LHFPL2: variants seen among roughly 807,000 people sequenced by gnomAD.
LHFPL2 encodes the protein LHFPL tetraspan subfamily member 2.
LHFPL2 carries 7 observed loss-of-function variants against 17.5 expected under a neutral mutation model. That is an observed-to-expected ratio of 0.40 (90% CI 0.23 to 0.75). The LOEUF is 0.75. Ranked by LOEUF, LHFPL2 falls within the 30% of genes least tolerant of loss-of-function variation. LHFPL2 has a pLI of 0.37. For missense variants in LHFPL2, 241 were observed against 294.8 expected, an observed-to-expected ratio of 0.82 and a Z score of 1.34; for synonymous variants, 134 against 116.2, an observed-to-expected ratio of 1.15 and a Z score of -0.99.
intron 2 of LHFPL2, among the ~76,000 whole-genome samples, chr5:78,630,940 T>C (rs1156635911): frequency 6.6e-6 from 1 of 152,162 alleles, no homozygotes; most frequent in African/African-American, 2.4e-5. Context: ...AACTCTCATT[T>C]TGGCTCCAAC....
chr5:78,630,766 T>C (rs1417234685), intron 2 of LHFPL2, among the ~76,000 whole-genome samples: 2 of 152,160 alleles, frequency 1.3e-5, no homozygotes, highest in Non-Finnish European at 2.9e-5. Flanking sequence ...ACACCCAGGA[T>C]GGCAACTGGA....
At chr5:78,535,767 A>G (rs539723233) in intron 3 of LHFPL2, among the ~76,000 whole-genome samples, 1 of 152,298 alleles carries the variant, frequency 6.6e-6, no homozygotes, top group Non-Finnish European at 1.5e-5. Context: ...GGCAGGGGGA[A>G]CACCTTGGGG....
At chr5:78,521,164 C>T (rs1348119963) in intron 3 of LHFPL2, among the ~76,000 whole-genome samples, 1 of 152,184 alleles carries the variant, frequency 6.6e-6, no homozygotes, top group Non-Finnish European at 1.5e-5. Context: ...AGGCAAGAGT[C>T]AGAAGTCATA....
At chr5:78,491,251 T>C (rs942595980) in intron 4 of LHFPL2, 2 of 152,358 alleles carry the variant, frequency 1.3e-5, no homozygotes, top group African/African-American at 4.8e-5. Context: ...AGATGCTCAT[T>C]GTTTGAAGAG....
intron 4 of LHFPL2, among the ~76,000 whole-genome samples, chr5:78,490,318 G>A (rs1450759161): frequency 6.6e-6 from 1 of 152,148 alleles, no homozygotes; most frequent in African/African-American, 2.4e-5. Context: ...TATCAGCCCT[G>A]TGCCTGCAGT....
At position 78,596,904 on chromosome 5, in the gene LHFPL2, G is replaced by A. The variant is rs1350298226; in HGVS notation, c.-244-32033C>T. ...TAAACAACAAAAATTAAGTGATCTA[G>A]GTTGCCCATGTTGCACAGTCTATAC... is the stretch of plus-strand genomic sequence containing the variant. On this transcript the variant is annotated intron_variant, in intron 2 of 4. Coordinates refer to ENST00000380345, the MANE Select transcript of LHFPL2 (RefSeq NM_005779.3). Among the ~76,000 whole-genome samples, 3 of 152,222 alleles carry A rather than the reference G, an allele frequency of 2.0e-5. No homozygotes were observed. In the East Asian group the frequency reaches 5.8e-4, roughly 29 times the overall value.
At chr5:78,504,187 A>G (rs1754862976) in intron 4 of LHFPL2, among the ~76,000 whole-genome samples, 1 of 152,176 alleles carries the variant, frequency 6.6e-6, no homozygotes, top group Non-Finnish European at 1.5e-5. Flanking sequence ...GGCAGCCAGA[A>G]GTCCTCAGGG....
chr5:78,503,294 T>C (rs1754829442), intron 4 of LHFPL2, among the ~76,000 whole-genome samples: 1 of 152,268 alleles, frequency 6.6e-6, no homozygotes, highest in Non-Finnish European at 1.5e-5. Context: ...AATTAAGTAG[T>C]TGCCATGGCA....
chr5:78,560,181 C>G (rs915321017), intron 3 of LHFPL2, among the ~76,000 whole-genome samples: 13 of 152,236 alleles, frequency 8.5e-5, no homozygotes, highest in African/African-American at 3.1e-4. Context: ...CAAACCCAGA[C>G]AAGTATGATT....
Position 78,572,931 on chromosome 5 carries a change from G to C in LHFPL2, c.-244-8060C>G, listed in dbSNP as rs548133106. On this transcript the variant is annotated intron_variant, in intron 2 of 4. Coordinates refer to ENST00000380345, the MANE Select transcript of LHFPL2 (RefSeq NM_005779.3). ...AGCATACAACTTAGATTCCTCGCACGCACGGTTCACAATAGGGTTTGTGCT... is the reference window on the plus strand; with the variant it reads ...AGCATACAACTTAGATTCCTCGCACCCACGGTTCACAATAGGGTTTGTGCT... Among the ~76,000 whole-genome samples the C allele has an allele frequency of 1.7e-3, 256 of 152,178 alleles. 2 individuals carry two copies. The highest frequency in any genetic ancestry group is 3.4e-3 in the Middle Eastern group (1 of 294).
At chr5:78,600,003 C>CCCT (rs1444175341) in intron 2 of LHFPL2, among the ~76,000 whole-genome samples, 1 of 152,084 alleles carries the variant, frequency 6.6e-6, no homozygotes, top group African/African-American at 2.4e-5. Flanking sequence ...ACTAACCTCT[C>CCCT]ACTCAGATTA....
chr5:78,572,105 TGAAG>T (rs2112427307), intron 2 of LHFPL2, among the ~76,000 whole-genome samples: 1 of 152,214 alleles, frequency 6.6e-6, no homozygotes, highest in Admixed American at 6.5e-5. Context: ...TTTTAAGGTT[TGAAG>T]TACCTAGCTG....
intron 2 of LHFPL2, among the ~76,000 whole-genome samples, chr5:78,567,254 A>G (rs1399721993): frequency 1.3e-5 from 2 of 152,220 alleles, no homozygotes; most frequent in Non-Finnish European, 2.9e-5. Flanking sequence ...TATCATGATT[A>G]AGCTTTTCTG....
At position 78,630,801 on chromosome 5, in the gene LHFPL2, C is replaced by T. The variant is rs189444719; in HGVS notation, c.-245+1463G>A. On this transcript the variant is annotated intron_variant, in intron 2 of 4. Transcript: ENST00000380345. ...AAGGCTGAACAATGTGTAGTGTTAACGCAAAAGCAGAATAAGGCGGGGGCA... is the reference window on the plus strand; with the variant it reads ...AAGGCTGAACAATGTGTAGTGTTAATGCAAAAGCAGAATAAGGCGGGGGCA... Among the ~76,000 whole-genome samples the T allele has an allele frequency of 2.9e-3, 441 of 152,276 alleles. 2 individuals carry two copies. Among genetic ancestry groups the T allele is most frequent in the African/African-American group, 0.01 (422 of 41,546 alleles).
At chr5:78,489,851 C>A (rs971715018) in intron 4 of LHFPL2, among the ~76,000 whole-genome samples, 1 of 152,162 alleles carries the variant, frequency 6.6e-6, no homozygotes, top group African/African-American at 2.4e-5. Context: ...CTATGGTCTG[C>A]AAAATCTAAA....
intron 1 of LHFPL2, among the ~76,000 whole-genome samples, chr5:78,638,181 C>T (rs1490677766): frequency 6.6e-6 from 1 of 152,016 alleles, no homozygotes. Context: ...GGTGAAACCC[C>T]ACCTCTACTA....
intron 3 of LHFPL2, among the ~76,000 whole-genome samples, chr5:78,561,617 G>GT (rs1410903332): frequency 2.6e-5 from 4 of 152,166 alleles, no homozygotes. Flanking sequence ...AACATGAGGG[G>GT]TTTTAAAACT....
rs570081520 is a variant in LHFPL2 at position 78,510,041 on chromosome 5, T to C, written c.173A>G (p.His58Arg). 372 of 1,609,804 alleles carry C rather than the reference T, an allele frequency of 2.3e-4. 3 individuals carry two copies. The South Asian group carries it at 3.0e-3, about 13-fold the overall frequency. Residue 58 changes from histidine to arginine, a missense_variant, in exon 4 of 5, where the codon CAC becomes CGC. His to Arg is a conservative substitution (Grantham distance 29, BLOSUM62 0). Transcript: ENST00000380345. ...GPGGGSPEPYHPTLGIYARCI... is the reference protein window; with the variant it reads ...GPGGGSPEPYRPTLGIYARCI... ...GCGGGCGTAGATGCCCAGGGTGGGG[T>C]GGTAGGGCTCCGGGGAGCCCCCGCC... is the stretch of plus-strand genomic sequence containing the variant.
intron 1 of LHFPL2, among the ~76,000 whole-genome samples, chr5:78,645,569 C>T (rs1745839390): frequency 6.6e-6 from 1 of 151,406 alleles, no homozygotes. Flanking sequence ...CACACACACA[C>T]ACACACACAC....
Sources: gnomAD v4.1 joint callset for allele counts (sites outside exome capture counted in the v4.1 genomes callset) on GRCh38, gnomAD v4.1.1 for gene constraint, MANE v1.5 for transcripts, NCBI Gene and HGNC (gene_info 2026-07-23, HGNC 2026-07-21) for gene names.